CDH13: variants seen among roughly 807,000 people sequenced by gnomAD.
CDH13 encodes the protein cadherin 13, also known as cadherin-13.
Under a neutral mutation model 63.8 loss-of-function variants are expected in CDH13, and 24 were observed. The observed-to-expected ratio is 0.38, with a 90% confidence interval of 0.27 to 0.53. The LOEUF (loss-of-function observed/expected upper bound fraction) is 0.53, where lower values mean the gene tolerates loss of function less well. Ranked by LOEUF, CDH13 falls within the 20% of genes least tolerant of loss-of-function variation. The pLI, the probability that CDH13 is intolerant of heterozygous loss-of-function variation, is 0.85. For missense variants in CDH13, 1,049 were observed against 903.1 expected (o/e 1.16, Z -2.07); for synonymous variants, 503 against 355.3 (o/e 1.42, Z -4.67).
chr16:82,890,976 G>T (rs192119426), intron 2 of CDH13, among the ~76,000 whole-genome samples: 3 of 151,970 alleles, frequency 2.0e-5, no homozygotes, highest in African/African-American at 4.8e-5. Flanking sequence ...TATATACTTG[G>T]AGGGTAGGCA....
At chr16:83,507,774 CT>C (rs2074436348) in intron 7 of CDH13, among the ~76,000 whole-genome samples, 1 of 152,024 alleles carries the variant, frequency 6.6e-6, no homozygotes, top group Non-Finnish European at 1.5e-5. Flanking sequence ...GTGGCTCATG[CT>C]TGTAATCCCA....
intron 1 of CDH13, among the ~76,000 whole-genome samples, chr16:82,734,514 G>A (rs1259291370): frequency 6.6e-6 from 1 of 152,184 alleles, no homozygotes; most frequent in East Asian, 1.9e-4. Flanking sequence ...GTAGGGGAGA[G>A]AGGGAGGATT....
At chr16:83,340,625 C>T (rs2090700621) in intron 5 of CDH13, among the ~76,000 whole-genome samples, 1 of 152,162 alleles carries the variant, frequency 6.6e-6, no homozygotes, top group Non-Finnish European at 1.5e-5. Context: ...TGGGTTTCCT[C>T]TGTAGGATCT....
intron 1 of CDH13, among the ~76,000 whole-genome samples, chr16:82,808,208 C>G (rs75499791): frequency 0.012 from 1,853 of 152,234 alleles, 29 homozygotes; most frequent in African/African-American, 0.042. Context: ...TGTGCTCTTC[C>G]TAATTTTTTT....
intron 5 of CDH13, among the ~76,000 whole-genome samples, chr16:83,301,583 G>A (rs575187042): frequency 7.2e-4 from 109 of 152,272 alleles, no homozygotes; most frequent in Middle Eastern, 3.4e-3. Flanking sequence ...CGGACCGACA[G>A]ACTATCTTCT....
intron 7 of CDH13, among the ~76,000 whole-genome samples, chr16:83,542,527 C>G (rs1227312354): frequency 1.3e-5 from 2 of 152,226 alleles, no homozygotes; most frequent in Non-Finnish European, 2.9e-5. Context: ...AACAAAGCAT[C>G]ATAAACTAAG....
intron 3 of CDH13, among the ~76,000 whole-genome samples, chr16:83,068,842 C>A (rs140932549): frequency 4.6e-5 from 7 of 152,256 alleles, no homozygotes; most frequent in East Asian, 1.9e-4. Flanking sequence ...TTCCCTGCCC[C>A]CTTGTTGTTC....
intron 6 of CDH13, among the ~76,000 whole-genome samples, chr16:83,485,322 T>C (rs552838750): frequency 3.0e-4 from 46 of 152,344 alleles, no homozygotes; most frequent in African/African-American, 1.0e-3. Context: ...TCCTTGACAA[T>C]GGATATACCA....
chr16:82,840,867 C>T (rs1442263175), intron 1 of CDH13, among the ~76,000 whole-genome samples: 2 of 152,022 alleles, frequency 1.3e-5, no homozygotes, highest in African/African-American at 2.4e-5. Context: ...AGACTCTTTT[C>T]CTATGAGTGT....
At chr16:82,762,941 G>A (rs1412328938) in intron 1 of CDH13, among the ~76,000 whole-genome samples, 2 of 152,186 alleles carry the variant, frequency 1.3e-5, no homozygotes, top group African/African-American at 4.8e-5. Flanking sequence ...TATCTCCTAT[G>A]CTTTCCGGGA....
intron 7 of CDH13, among the ~76,000 whole-genome samples, chr16:83,600,274 G>A (rs1460046428): frequency 6.6e-6 from 1 of 152,152 alleles, no homozygotes; most frequent in African/African-American, 2.4e-5. Flanking sequence ...CGATCCTGGC[G>A]GAGCTGGAAT....
At position 83,621,596 on chromosome 16, in the gene CDH13, C is replaced by G. The variant is rs190943499; in HGVS notation, c.1101+19002C>G. Among the ~76,000 whole-genome samples the G allele has an allele frequency of 3.8e-3, 543 of 141,042 alleles. 1 individual carries two copies. The highest frequency in any genetic ancestry group is 0.013 in the African/African-American group (510 of 38,034). 92.5% of individuals were successfully genotyped at this position (141,042 alleles called of 152,430 possible). Reference sequence around the variant, plus strand: ...CCTCCTCTTAGGTTCAAGCGATTCTCCTGCCTCAGCCTCCTGAGTAGCTGG... The same window carrying G: ...CCTCCTCTTAGGTTCAAGCGATTCTGCTGCCTCAGCCTCCTGAGTAGCTGG... On this transcript the variant is annotated intron_variant, in intron 8 of 13. Coordinates refer to ENST00000567109, the MANE Select transcript of CDH13 (RefSeq NM_001257.5).
intron 8 of CDH13, among the ~76,000 whole-genome samples, chr16:83,664,936 G>A (rs779781029): frequency 2.0e-5 from 3 of 152,180 alleles, no homozygotes; most frequent in Non-Finnish European, 4.4e-5. Context: ...ACTTACTGAT[G>A]TATTTTTGTG....
At chr16:83,447,028 T>TA (rs1484687678) in intron 6 of CDH13, among the ~76,000 whole-genome samples, 2 of 119,206 alleles carry the variant, frequency 1.7e-5, no homozygotes, top group Admixed American at 1.1e-4. Flanking sequence ...TAAATAGACT[T>TA]ACCACCACCA....
At chr16:82,951,551 G>T (rs1434987923) in intron 2 of CDH13, among the ~76,000 whole-genome samples, 1 of 152,146 alleles carries the variant, frequency 6.6e-6, no homozygotes, top group Non-Finnish European at 1.5e-5. Context: ...CGAGACCACG[G>T]CATGAGCTCA....
chr16:83,271,529 C>CA (rs369596889), intron 5 of CDH13, among the ~76,000 whole-genome samples: 1,865 of 108,666 alleles, frequency 0.017, 32 homozygotes, highest in African/African-American at 0.053. Context: ...ACAACAACAA[C>CA]AAAAAAAAAC....
chr16:82,706,584 C>CAGG (rs1164655481), intron 1 of CDH13, among the ~76,000 whole-genome samples: 14 of 151,216 alleles, frequency 9.3e-5, no homozygotes, highest in Non-Finnish European at 1.8e-4. Context: ...ACCTGAGGGT[C>CAGG]AGGAGTTGGA....
At chr16:83,293,930 C>T (rs986896226) in intron 5 of CDH13, among the ~76,000 whole-genome samples, 1 of 152,114 alleles carries the variant, frequency 6.6e-6, no homozygotes, top group Non-Finnish European at 1.5e-5. Context: ...CATTTAACTC[C>T]CATGATAACT....
intron 9 of CDH13, among the ~76,000 whole-genome samples, chr16:83,674,754 G>T (rs190647169): frequency 9.2e-5 from 14 of 152,300 alleles, no homozygotes; most frequent in African/African-American, 3.4e-4. Flanking sequence ...TGTCGGCTTC[G>T]TCTTTAAAAC....
Sources: gnomAD v4.1 joint callset for allele counts (sites outside exome capture counted in the v4.1 genomes callset) on GRCh38, gnomAD v4.1.1 for gene constraint, MANE v1.5 for transcripts, NCBI Gene and HGNC (gene_info 2026-07-23, HGNC 2026-07-21) for gene names.